The following GTF3C5 variants were observed in gnomAD, a reference collection of about 807,000 sequenced individuals.
GTF3C5 encodes the protein general transcription factor IIIC subunit 5.
GTF3C5 carries 47 observed loss-of-function variants against 61.0 expected under a neutral mutation model. The observed-to-expected ratio is 0.77, with a 90% CI of 0.61 to 0.98. The LOEUF (loss-of-function observed/expected upper bound fraction) is 0.98, where lower values mean the gene tolerates loss of function less well. Among genes scored for constraint, GTF3C5 ranks in the 50% least tolerant of loss-of-function variants. The probability of loss-of-function intolerance (pLI) is 0.00; values close to 1 mark genes in which losing one functional copy is unlikely to be tolerated. For missense variants in GTF3C5, 659 were observed against 703.3 expected (o/e 0.94, Z 0.71); for synonymous variants, 295 against 275.4 (o/e 1.07, Z -0.71).
intron 2 of GTF3C5, among the ~76,000 whole-genome samples, chr9:133,043,199 G>A (rs1378037650): frequency 6.6e-6 from 1 of 152,186 alleles, no homozygotes; most frequent in Non-Finnish European, 1.5e-5. Context: ...GTGGGTCATG[G>A]CATTCACCAA....
chr9:133,054,762 G>A lies in GTF3C5; in HGVS notation c.1120G>A (p.Gly374Arg). 2 of 1,585,046 alleles carry A rather than the reference G, an allele frequency of 1.3e-6. No individual in the cohort carries two copies. Among genetic ancestry groups the A allele is most frequent in the Admixed American group, 1.8e-5 (1 of 55,232 alleles). ...HDLKQGLGPS[G>R]TSGARKPASS... is the part of the protein sequence containing the mutation. Reference sequence around the variant, plus strand: ...CCTGAAGCAGGGCCTGGGCCCGTCGGGGACGAGTGGTGCTCGGAAACCAGC... The same window carrying A: ...CCTGAAGCAGGGCCTGGGCCCGTCGAGGACGAGTGGTGCTCGGAAACCAGC... Residue 374 changes from glycine (G) to arginine (R), a missense_variant, in exon 8 of 11, where the codon GGG (glycine) becomes AGG (arginine). Transcript: ENST00000372097.
intron 8 of GTF3C5, chr9:133,055,374 G>T (rs760896017): frequency 1.5e-6 from 2 of 1,313,020 alleles, no homozygotes; most frequent in South Asian, 2.5e-5. Context: ...AGAGATGAGT[G>T]CAGCAGAGAC....
At position 133,043,926 on chromosome 9, in the gene GTF3C5, G is replaced by A. The variant is rs777809658; in HGVS notation, c.572G>A (p.Arg191Gln). 1.2e-5 allele frequency: 19 copies of A among 1,611,056 alleles called. No individual in the cohort carries two copies. Among genetic ancestry groups the A allele is most frequent in the South Asian group, 6.6e-5 (6 of 91,014 alleles). The stretch of plus-strand genomic sequence containing the variant: ...TTCTACCGACCAGAGACCCAGCACC[G>A]GTAAGGCCCCCCTCCATGCAGCCTC... ...DYFYRPETQH[R>Q]EGYNNPPISG... Residue 191 changes from arginine (R) to glutamine (Q), a missense_variant and splice_region_variant, in exon 3 of 11, where the codon CGG becomes CAG. Arg to Gln is a conservative substitution (Grantham distance 43). Coordinates refer to ENST00000372097, the MANE Select transcript of GTF3C5 (RefSeq NM_012087.4).
chr9:133,041,680 T>C (rs1388616142), intron 1 of GTF3C5, among the ~76,000 whole-genome samples: 1 of 152,314 alleles, frequency 6.6e-6, no homozygotes, highest in East Asian at 1.9e-4. Flanking sequence ...CAGCTGTCTT[T>C]TCTTTTATGT....
At chr9:133,044,184 A>G (rs1850134075) in intron 3 of GTF3C5, 2 of 515,486 alleles carry the variant, frequency 3.9e-6, no homozygotes, top group Admixed American at 3.5e-5. Flanking sequence ...ATGGGATGAC[A>G]GTAGTACTAC....
At chr9:133,051,647 A>G (rs1588476425) in intron 4 of GTF3C5, among the ~76,000 whole-genome samples, 2 of 152,204 alleles carry the variant, frequency 1.3e-5, no homozygotes, top group East Asian at 1.9e-4. Flanking sequence ...TGACCTTTGC[A>G]GTCCTCCCCG....
At chr9:133,052,420 C>T (rs778711583) in intron 5 of GTF3C5, among the ~76,000 whole-genome samples, 2 of 141,986 alleles carry the variant, frequency 1.4e-5, no homozygotes, top group African/African-American at 5.2e-5. Context: ...CCTGGCCCCC[C>T]GATCCTAGCA....
chr9:133,054,884 G>C lies in GTF3C5; in HGVS notation c.1167+75G>C, dbSNP rs754863986. On this transcript the variant is annotated intron_variant, in intron 8 of 10. Coordinates refer to ENST00000372097, the MANE Select transcript of GTF3C5 (RefSeq NM_012087.4). ...GCCGGGCACCTTGTGGGTGACACCT[G>C]GGGGGCTGTGATTAGGGCAGCTCTG... 87 of 1,535,056 alleles carry C rather than the reference G, an allele frequency of 5.7e-5. No individual in the cohort carries two copies. In the African/African-American group the frequency reaches 1.0e-3, roughly 18 times the overall value.
Position 133,050,800 on chromosome 9 carries a change from C to T in GTF3C5, c.590C>T (p.Pro197Leu). The stretch of plus-strand genomic sequence containing the variant: ...GCCCCCAGGGAAGGCTACAACAATC[C>T]CCCCATCTCAGGTGAGAATCTGATT... ...ETQHREGYNN[P>L]PISGENLIGL... Residue 197 changes from proline (P) to leucine (L), a missense_variant, in exon 4 of 11, where the codon CCC becomes CTC. By Grantham distance (98) the Pro-to-Leu change is moderately conservative (BLOSUM62 -3). Transcript: ENST00000372097. The T allele has an allele frequency of 1.9e-6, 3 of 1,613,186 alleles. No homozygotes were observed. The highest frequency in any genetic ancestry group is 1.7e-6 in the Non-Finnish European group (2 of 1,179,470).
Position 133,056,031 on chromosome 9 carries a change from G to C in GTF3C5, c.1187G>C (p.Arg396Pro), listed in dbSNP as rs769998718. The C allele has an allele frequency of 6.2e-7, 1 of 1,614,114 alleles. No homozygotes were observed. The change falls in exon 9 of 11, where the codon CGG becomes CCG. Residue 396 changes from arginine to proline, a missense_variant. Physicochemically the swap from Arg to Pro is moderately radical, Grantham distance 103. Transcript: ENST00000372097. ...CACCAGGACTCTGTCTACATCTTCC[G>C]GGAAGGGGCCTTGCCACCCTATCGG... ...YKLKDSVYIFREGALPPYRQM... is the reference protein window; with the variant it reads ...YKLKDSVYIFPEGALPPYRQM...
chr9:133,035,300 T>C (rs1849835254), intron 1 of GTF3C5, among the ~76,000 whole-genome samples: 1 of 152,204 alleles, frequency 6.6e-6, no homozygotes, highest in Admixed American at 6.5e-5. Flanking sequence ...GGCAACCGAC[T>C]GGGGGCATTT....
Position 133,054,784 on chromosome 9 carries a change from C to CA in GTF3C5, c.1143dup (p.Ala382SerfsTer45). On this transcript the variant is annotated frameshift_variant, in exon 8 of 11. Transcript: ENST00000372097. LOFTEE classifies it high-confidence loss of function. ...TCGGGGACGAGTGGTGCTCGGAAACCAGCTTCCAGCAAGTACAAGCTCAAG... is the reference window on the plus strand; with the variant it reads ...TCGGGGACGAGTGGTGCTCGGAAACCAAGCTTCCAGCAAGTACAAGCTCAAG... 6.3e-7 allele frequency: 1 copy of CA among 1,579,424 alleles called. No individual in the cohort carries two copies. Among genetic ancestry groups the CA allele is most frequent in the Non-Finnish European group, 8.6e-7 (1 of 1,163,066 alleles).
At chr9:133,054,513 G>T (rs1420976515) in intron 7 of GTF3C5, 25 bp downstream of exon 7, 1 of 1,606,822 alleles carries the variant, frequency 6.2e-7, no homozygotes, top group East Asian at 2.2e-5. Flanking sequence ...CGCCTTTTGT[G>T]GGTCATGAGT....
chr9:133,040,792 C>T (rs1564196630), intron 1 of GTF3C5, among the ~76,000 whole-genome samples: 1 of 152,170 alleles, frequency 6.6e-6, no homozygotes, highest in Non-Finnish European at 1.5e-5. Context: ...GGTGGCAAGC[C>T]ACCCAGGTGC....
chr9:133,041,908 A>G (rs1409522282), intron 1 of GTF3C5, among the ~76,000 whole-genome samples, 179 bp from the exon 2 acceptor site: 11 of 152,192 alleles, frequency 7.2e-5, no homozygotes, highest in Non-Finnish European at 1.6e-4. Context: ...TCCACCAGAT[A>G]AAAACTAAGA....
At chr9:133,037,620 G>A (rs926100194) in intron 1 of GTF3C5, among the ~76,000 whole-genome samples, 1 of 152,132 alleles carries the variant, frequency 6.6e-6, no homozygotes, top group Non-Finnish European at 1.5e-5. Context: ...GTTTAATGAG[G>A]TGAGGAATCC....
intron 5 of GTF3C5, among the ~76,000 whole-genome samples, chr9:133,053,564 ACAGAGT>A (rs1393698529): frequency 6.6e-6 from 1 of 152,196 alleles, no homozygotes; most frequent in Non-Finnish European, 1.5e-5. Context: ...AGCCTGGGCA[ACAGAGT>A]GAGACCCTCT....
At position 133,050,850 on chromosome 9, in the gene GTF3C5, C is replaced by G. The variant is rs765658460; in HGVS notation, c.640C>G (p.His214Asp). 6.2e-7 allele frequency: 1 copy of G among 1,614,066 alleles called. No individual in the cohort carries two copies. Residue 214 changes from histidine (H) to aspartate (D), a missense_variant, in exon 4 of 11, where the codon CAC becomes GAC. His to Asp is a moderately conservative substitution (Grantham distance 81, BLOSUM62 -1). Coordinates refer to ENST00000372097, the MANE Select transcript of GTF3C5 (RefSeq NM_012087.4). ...TGGCCTGAGCAGAGCCCGGCGCCCC[C>G]ACAATGCCATCTTTGTCAACTTTGA... ...LIGLSRARRP[H>D]NAIFVNFEDE...
chr9:133,040,243 GAGA>G (rs1228856180), intron 1 of GTF3C5, among the ~76,000 whole-genome samples: 1 of 152,174 alleles, frequency 6.6e-6, no homozygotes, highest in Non-Finnish European at 1.5e-5. Context: ...GGAGATTCCT[GAGA>G]ACCAAGTCTT....
Sources: allele counts gnomAD v4.1 joint callset (sites outside exome capture counted in the v4.1 genomes callset), GRCh38; gene constraint gnomAD v4.1.1; transcripts MANE v1.5; gene names NCBI Gene and HGNC (gene_info 2026-07-23, HGNC 2026-07-21).